SMAD4: variants seen among roughly 807,000 people sequenced by gnomAD.
The protein encoded by SMAD4 is MAD homolog 4.
SMAD4 carries 7 observed loss-of-function variants against 63.2 expected under a neutral mutation model. That is an observed-to-expected ratio of 0.11 (90% confidence interval 0.06 to 0.21). SMAD4 has a LOEUF of 0.21. Among genes scored for constraint, SMAD4 ranks in the 10% least tolerant of loss-of-function variants. The pLI is 1.00. For synonymous variants in SMAD4, 215 were observed against 235.4 expected (o/e 0.91, Z 0.79); for missense variants, 312 against 693.8 (o/e 0.45, Z 6.18).
chr18:51,051,362 T>G (rs1909706802), intron 4 of SMAD4: 2 of 456,106 alleles, frequency 4.4e-6, no homozygotes, highest in South Asian at 1.5e-5. Context: ...AGAAAACAAC[T>G]GGTATTTCTC....
intron 10 of SMAD4, among the ~76,000 whole-genome samples, chr18:51,074,324 G>C (rs1910415490): frequency 6.6e-6 from 1 of 151,902 alleles, no homozygotes; most frequent in South Asian, 2.1e-4. Context: ...AGACTAGCTT[G>C]GGCAACATAG....
chr18:51,060,026 A>T, intron 8 of SMAD4, 110 bp downstream of exon 8: 6 of 789,700 alleles, frequency 7.6e-6, no homozygotes, highest in Non-Finnish European at 1.4e-5. Flanking sequence ...AGATGAGTAC[A>T]ATACTCATCA....
intron 1 of SMAD4, among the ~76,000 whole-genome samples, chr18:51,038,403 A>G (rs567886559): frequency 1.3e-5 from 2 of 152,234 alleles, no homozygotes; most frequent in Non-Finnish European, 2.9e-5. Context: ...ATGGATTTTT[A>G]TATACACCAG....
rs1910657938 is a variant in SMAD4, at chr18:51,083,455, T to C, written c.*4988T>C. The C allele has an allele frequency of 8.8e-6, 2 of 228,312 alleles. No homozygotes were observed. Among genetic ancestry groups the C allele is most frequent in the African/African-American group, 4.6e-5 (2 of 43,752 alleles). 14.1% of individuals were successfully genotyped at this position (228,312 alleles called of 1,614,324 possible). On this transcript the variant is annotated 3_prime_UTR_variant, in exon 12 of 12. Coordinates refer to ENST00000342988, the MANE Select transcript of SMAD4 (RefSeq NM_005359.6). ...ATGAATGAAACTTTTTGTCCTTTTT[T>C]TTTCTGTTTTTTTTTTTCTAATGTA...
rs928523155 is a variant in SMAD4, at chr18:51,079,825, C to T, written c.*1358C>T. ...TTTTTAAGATTTTTTTTTTCTTTTG[C>T]ACTTTTGAGTCCAATCTCAGTGATG... On this transcript the variant is annotated 3_prime_UTR_variant, in exon 12 of 12. Coordinates refer to ENST00000342988, the MANE Select transcript of SMAD4 (RefSeq NM_005359.6). 4 of 231,904 alleles carry T rather than the reference C, an allele frequency of 1.7e-5. No homozygotes were observed. The highest frequency in any genetic ancestry group is 1.2e-3 in the Middle Eastern group (1 of 802). The allele number at this position is 231,904 out of a possible 1,614,324, so 14.4% of individuals were successfully genotyped here.
At chr18:51,040,355 C>A (rs915238796) in intron 1 of SMAD4, among the ~76,000 whole-genome samples, 1 of 150,790 alleles carries the variant, frequency 6.6e-6, no homozygotes, top group Non-Finnish European at 1.5e-5. Flanking sequence ...ACCCAGGAGG[C>A]AGAAGTGGCA....
At position 51,078,582 on chromosome 18, in the gene SMAD4, G is replaced by A. The variant is rs886926721; in HGVS notation, c.*115G>A. ...TGTTCTGCTTTATCTTTTCATAAAG[G>A]GTTGAAAATGTGTTTGCTGCCTTGC... On this transcript the variant is annotated 3_prime_UTR_variant, in exon 12 of 12. Transcript: ENST00000342988. 7.4e-6 allele frequency: 6 copies of A among 807,364 alleles called. No homozygotes were observed. Among genetic ancestry groups the A allele is most frequent in the Admixed American group, 2.7e-5 (1 of 37,728 alleles). The allele number at this position is 807,364 out of a possible 1,614,324, so 50.0% of individuals were successfully genotyped here. A position where few individuals can be genotyped will look rare whatever the true frequency, so the allele number is the denominator to read the frequency against.
Position 51,036,818 on chromosome 18 carries a change from T to C in SMAD4, c.-128+6195T>C, listed in dbSNP as rs1028950681. 2.0e-5 allele frequency among the ~76,000 whole-genome samples: 3 copies of C among 152,162 alleles called. No individual in the cohort carries two copies. In the South Asian group the frequency reaches 6.2e-4, roughly 32 times the overall value. On this transcript the variant is annotated intron_variant, in intron 1 of 11. Transcript: ENST00000342988. ...CGGGGGATTTTGATACATCCCCCTT[T>C]GAAGGAATAAGCTAGATGACTTGAA...
At chr18:51,048,582 G>A in intron 2 of SMAD4, 104 bp from the exon 3 acceptor site, 1 of 984,926 alleles carries the variant, frequency 1.0e-6, no homozygotes, top group East Asian at 2.5e-5. Flanking sequence ...TTATGAAATG[G>A]GGATTGTAAT....
At position 51,082,596 on chromosome 18, in the gene SMAD4, A is replaced by G. The variant is rs1910636293; in HGVS notation, c.*4129A>G. The G allele has an allele frequency of 1.3e-5, 3 of 229,936 alleles. No individual in the cohort carries two copies. Among genetic ancestry groups the G allele is most frequent in the East Asian group, 6.2e-5 (1 of 16,122 alleles). The allele number at this position is 229,936 out of a possible 1,614,324, so 14.2% of individuals were successfully genotyped here. ...TTTTTGGTGGAGTTATTTAATATGT[A>G]TATCAGAGGATATACTAGATGGTAA... On this transcript the variant is annotated 3_prime_UTR_variant, in exon 12 of 12. Coordinates refer to ENST00000342988, the MANE Select transcript of SMAD4 (RefSeq NM_005359.6).
chr18:51,037,223 T>A (rs544351976), intron 1 of SMAD4, among the ~76,000 whole-genome samples: 1 of 152,250 alleles, frequency 6.6e-6, no homozygotes, highest in African/African-American at 2.4e-5. Flanking sequence ...TTTTCAGTTA[T>A]CAGTTATTAA....
At chr18:51,051,261 C>T in intron 4 of SMAD4, 2 of 408,168 alleles carry the variant, frequency 4.9e-6, no homozygotes, top group Non-Finnish European at 9.6e-6. Context: ...GGGTTGATAG[C>T]CTTTCTATAG....
intron 7 of SMAD4, 56 bp downstream of exon 7, chr18:51,058,512 TGTTTTCTG>T: frequency 9.1e-6 from 10 of 1,104,756 alleles, no homozygotes; most frequent in Non-Finnish European, 1.2e-5. Context: ...GGTAGGGCTT[TGTTTTCTG>T]TTTTTTAAAA....
intron 5 of SMAD4, 128 bp downstream of exon 5, chr18:51,055,121 T>C: frequency 1.3e-6 from 1 of 747,238 alleles, no homozygotes; most frequent in East Asian, 2.6e-5. Flanking sequence ...CTTTCATAGG[T>C]AAACAGGTAT....
chr18:51,066,849 A>G (rs1237954141), intron 9 of SMAD4, 170 bp from the exon 10 acceptor site: 11 of 603,140 alleles, frequency 1.8e-5, no homozygotes, highest in Admixed American at 1.3e-4. Context: ...ATTATTAGAT[A>G]TGAACAGGAA....
chr18:51,033,207 T>TTTTA (rs1909102084), intron 1 of SMAD4, among the ~76,000 whole-genome samples: 1 of 150,266 alleles, frequency 6.7e-6, no homozygotes, highest in African/African-American at 2.5e-5. Context: ...TTTTTTTTTT[T>TTTTA]GAGATGGAGG....
intron 1 of SMAD4, among the ~76,000 whole-genome samples, chr18:51,043,480 T>C (rs953150971): frequency 6.6e-6 from 1 of 152,228 alleles, no homozygotes; most frequent in East Asian, 1.9e-4. Context: ...ATCGATATTA[T>C]GCTCTTGCCT....
At chr18:51,045,471 G>A (rs893118737) in intron 1 of SMAD4, among the ~76,000 whole-genome samples, 2 of 152,176 alleles carry the variant, frequency 1.3e-5, no homozygotes, top group African/African-American at 4.8e-5. Flanking sequence ...CCTATTCTCT[G>A]TGGGGTCTTG....
At chr18:51,037,547 C>G (rs1909241545) in intron 1 of SMAD4, among the ~76,000 whole-genome samples, 1 of 152,068 alleles carries the variant, frequency 6.6e-6, no homozygotes, top group African/African-American at 2.4e-5. Flanking sequence ...CTTAATAATC[C>G]CCTTGCTGCA....
Sources: allele counts gnomAD v4.1 joint callset (sites outside exome capture counted in the v4.1 genomes callset), GRCh38; gene constraint gnomAD v4.1.1; transcripts MANE v1.5; gene names NCBI Gene and HGNC (gene_info 2026-07-23, HGNC 2026-07-21).